RPS6KA2: variants seen among roughly 807,000 people sequenced by gnomAD.
RPS6KA2 encodes the protein ribosomal protein S6 kinase alpha-2.
RPS6KA2 carries 42 observed loss-of-function variants against 91.8 expected under a neutral mutation model. The ratio of observed to expected loss-of-function variants is 0.46; its 90% CI spans 0.36 to 0.59. The LOEUF is 0.59. Ranked by LOEUF, RPS6KA2 falls within the 20% of genes least tolerant of loss-of-function variation. The probability of loss-of-function intolerance (pLI) is 0.00; values close to 1 mark genes in which losing one functional copy is unlikely to be tolerated. For missense variants in RPS6KA2, 798 were observed against 978.5 expected (o/e 0.82, Z 2.46); for synonymous variants, 414 against 393.6 (o/e 1.05, Z -0.61).
chr6:166,678,708 T>G (rs576653869), intron 2 of RPS6KA2, among the ~76,000 whole-genome samples: 1 of 152,240 alleles, frequency 6.6e-6, no homozygotes, highest in South Asian at 2.1e-4. Flanking sequence ...AAAGGCCAGG[T>G]GGTGACCTTT....
Position 166,498,626 on chromosome 6 carries a change from A to G in RPS6KA2, c.629T>C (p.Ile210Thr), listed in dbSNP as rs1250595277. The G allele has an allele frequency of 6.2e-7, 1 of 1,613,570 alleles. No homozygotes were observed. Among genetic ancestry groups the G allele is most frequent in the East Asian group, 2.2e-5 (1 of 44,852 alleles). The change falls in exon 8 of 21, where the codon ATT (isoleucine) becomes ACT (threonine). Residue 210 changes from isoleucine to threonine, a missense_variant. Ile to Thr is a moderately conservative substitution (Grantham distance 89). Coordinates refer to ENST00000265678, the MANE Select transcript of RPS6KA2 (RefSeq NM_021135.6). Reference protein sequence around the residue: ...ITDFGLSKEAIDHDKRAYSFC... With the variant: ...ITDFGLSKEATDHDKRAYSFC... ...GGAGTACGCTCTCTTGTCGTGGTCA[A>G]TGGCCTCCTTACTCAGGCCGAAATC...
Position 166,626,474 on chromosome 6 carries a change from C to A in RPS6KA2, c.99+447G>T, listed in dbSNP as rs560702271. Among the ~76,000 whole-genome samples the A allele has an allele frequency of 2.2e-4, 33 of 152,370 alleles. No homozygotes were observed. Among genetic ancestry groups the A allele is most frequent in the Admixed American group, 1.8e-3 (28 of 15,312 alleles). ...GAGCTACAAGATAAGGTGGAACCTG[C>A]CGGCCGGGCACGGCAGACAGCACCT... On this transcript the variant is annotated intron_variant, in intron 1 of 20. Transcript: ENST00000265678. This position sits in a 1 kb window ranked among gnomAD's most constrained non-coding sequence, Gnocchi z 4.1.
chr6:166,658,181 C>T (rs565048115), intron 2 of RPS6KA2, among the ~76,000 whole-genome samples: 15 of 152,304 alleles, frequency 9.8e-5, no homozygotes, highest in Admixed American at 9.2e-4. Context: ...TGTGGCCAGC[C>T]CAGGATTTTT....
At chr6:166,693,923 C>A (rs1290443473) in intron 2 of RPS6KA2, among the ~76,000 whole-genome samples, 2 of 152,242 alleles carry the variant, frequency 1.3e-5, no homozygotes, top group Non-Finnish European at 2.9e-5. Context: ...CTTCCTTAGA[C>A]ATCCCTCTGT....
At chr6:166,558,785 G>C (rs1198653546) in intron 1 of RPS6KA2, among the ~76,000 whole-genome samples, 2 of 152,196 alleles carry the variant, frequency 1.3e-5, no homozygotes, top group African/African-American at 4.8e-5. Flanking sequence ...AAAGTCTACA[G>C]TCACGGAGCA....
chr6:166,548,365 T>C (rs1423977955), intron 1 of RPS6KA2, among the ~76,000 whole-genome samples: 1 of 152,140 alleles, frequency 6.6e-6, no homozygotes, highest in East Asian at 1.9e-4. Flanking sequence ...TAAAATTTCA[T>C]GGAAAAGCAA....
chr6:166,425,123 C>G (rs1389889467), intron 16 of RPS6KA2, among the ~76,000 whole-genome samples: 2 of 152,164 alleles, frequency 1.3e-5, no homozygotes, highest in African/African-American at 2.4e-5. Context: ...AGAATAATCT[C>G]TATAACAAAT....
chr6:166,585,067 G>A lies in RPS6KA2; in HGVS notation c.99+41854C>T, dbSNP rs117458718. The stretch of plus-strand genomic sequence containing the variant: ...TTGCACCTCTGAGTGCTGAGCACAC[G>A]TGTGGTGACGATGTTGCTACAACGA... On this transcript the variant is annotated intron_variant, in intron 1 of 20. Coordinates refer to ENST00000265678, the MANE Select transcript of RPS6KA2 (RefSeq NM_021135.6). Among the ~76,000 whole-genome samples, 74 of 145,464 alleles carry A rather than the reference G, an allele frequency of 5.1e-4. No homozygotes were observed. In the East Asian group the frequency reaches 9.4e-3, roughly 19 times the overall value.
In RPS6KA2 at chr6:166,825,978, T is replaced by C. The variant is rs369813871; in HGVS notation, c.123+32222A>G. ...ATTTGTGAGTAGAAAGTAAAGAAAATTGGATCAAATTAACCTGAAAGAATG... is the reference window on the plus strand; with the variant it reads ...ATTTGTGAGTAGAAAGTAAAGAAAACTGGATCAAATTAACCTGAAAGAATG... On this transcript the variant is annotated intron_variant, in intron 2 of 21. Coordinates refer to the RPS6KA2 transcript ENST00000503859. The surrounding 1 kb of genome is among the most constrained non-coding windows in gnomAD (Gnocchi z 4.1). Among the ~76,000 whole-genome samples, 2 of 152,068 alleles carry C rather than the reference T, an allele frequency of 1.3e-5. No individual in the cohort carries two copies. The highest frequency in any genetic ancestry group is 4.8e-5 in the African/African-American group (2 of 41,374).
intron 8 of RPS6KA2, 97 bp downstream of exon 8, chr6:166,498,411 C>G (rs1261082435): frequency 3.6e-6 from 5 of 1,386,002 alleles, no homozygotes; most frequent in African/African-American, 3.0e-5. Context: ...CAGGCACTGC[C>G]TTCTTCCGCA....
chr6:166,835,724 T>C (rs1026708759), intron 2 of RPS6KA2, among the ~76,000 whole-genome samples: 4 of 152,232 alleles, frequency 2.6e-5, no homozygotes, highest in Non-Finnish European at 5.9e-5. Context: ...TTCCAATTTG[T>C]ATAACTTACA....
At chr6:166,712,591 C>T (rs1485481315) in intron 2 of RPS6KA2, among the ~76,000 whole-genome samples, 2 of 152,330 alleles carry the variant, frequency 1.3e-5, no homozygotes, top group East Asian at 3.9e-4. Context: ...CACGGACGGG[C>T]TGTGGCAGCC....
At chr6:166,730,723 GA>G (rs1790486287) in intron 2 of RPS6KA2, among the ~76,000 whole-genome samples, 3 of 152,166 alleles carry the variant, frequency 2.0e-5, no homozygotes, top group Admixed American at 1.3e-4. Context: ...TACAAAAAGA[GA>G]AAAAAATAGT....
intron 6 of RPS6KA2, among the ~76,000 whole-genome samples, chr6:166,501,203 G>A (rs1043540254): frequency 2.0e-5 from 3 of 152,318 alleles, no homozygotes; most frequent in African/African-American, 7.2e-5. Context: ...TTAGATATTC[G>A]TGGGTCCCCA....
chr6:166,542,124 G>A (rs778603244), intron 1 of RPS6KA2, among the ~76,000 whole-genome samples: 9 of 152,216 alleles, frequency 5.9e-5, no homozygotes, highest in Non-Finnish European at 1.0e-4. Flanking sequence ...CCATGGACTC[G>A]GCGCGCACTC....
intron 2 of RPS6KA2, among the ~76,000 whole-genome samples, chr6:166,793,570 A>G (rs1444982368): frequency 1.3e-5 from 2 of 149,744 alleles, no homozygotes; most frequent in Non-Finnish European, 3.0e-5. Context: ...AAAAGAACAA[A>G]GCTGGAGGCA....
chr6:166,858,908 G>A (rs1286475336), intron 1 of RPS6KA2, among the ~76,000 whole-genome samples: 9 of 151,918 alleles, frequency 5.9e-5, no homozygotes, highest in Admixed American at 4.6e-4. Flanking sequence ...AGAGCTCCAC[G>A]GAAGAACACC....
chr6:166,494,882 C>T lies in RPS6KA2; in HGVS notation c.747+3626G>A, dbSNP rs528523487. Among the ~76,000 whole-genome samples the T allele has an allele frequency of 2.0e-5, 3 of 152,306 alleles. No individual in the cohort carries two copies. Among genetic ancestry groups the T allele is most frequent in the Non-Finnish European group, 4.4e-5 (3 of 68,030 alleles). On this transcript the variant is annotated intron_variant, in intron 8 of 20. Coordinates refer to ENST00000265678, the MANE Select transcript of RPS6KA2 (RefSeq NM_021135.6). The surrounding 1 kb of genome is among the most constrained non-coding windows in gnomAD (Gnocchi z 5.1). ...GTCTCAGCCTTCTTTTAAAACAAGG[C>T]CCCTCACACGCACAACGGCTCTGCA... is the stretch of plus-strand genomic sequence containing the variant.
rs954439562 is a variant in RPS6KA2 at position 166,410,937 on chromosome 6, A to T, written c.*1825T>A. 1 of 152,178 alleles carries T rather than the reference A, an allele frequency of 6.6e-6. No homozygotes were observed. Among genetic ancestry groups the T allele is most frequent in the Non-Finnish European group, 1.5e-5 (1 of 68,038 alleles). The allele number at this position is 152,178 out of a possible 1,614,324, so 9.4% of individuals were successfully genotyped here. A position where few individuals can be genotyped will look rare whatever the true frequency, so the allele number is the denominator to read the frequency against. ...TCCACTTCTTCCTAAGTTTCTAAAA[A>T]GAAGTGAAATAATTAAGACCTAAAA... On this transcript the variant is annotated 3_prime_UTR_variant, in exon 21 of 21. Coordinates refer to ENST00000265678, the MANE Select transcript of RPS6KA2 (RefSeq NM_021135.6).
Sources: allele counts gnomAD v4.1 joint callset (sites outside exome capture counted in the v4.1 genomes callset), GRCh38; gene constraint gnomAD v4.1.1; non-coding constraint Gnocchi (gnomAD v3.1); transcripts MANE v1.5; gene names NCBI Gene and HGNC (gene_info 2026-07-23, HGNC 2026-07-21).